Variants in EEIG1 observed in about 807,000 individuals in gnomAD.
EEIG1 encodes the protein early estrogen-induced gene 1 protein.
At chr9:127,967,157 C>T in the EEIG1 span, among the ~76,000 whole-genome samples, 6 of 152,170 alleles carry the variant, frequency 3.9e-5, no homozygotes, top group Non-Finnish European at 5.9e-5. Flanking sequence ...CCAAATCCGT[C>T]AAGACCTGCT....
At chr9:127,945,366 C>T in the EEIG1 span, 1 of 1,581,700 alleles carries the variant, frequency 6.3e-7, no homozygotes, top group Non-Finnish European at 8.6e-7. This position sits in a 1 kb window ranked among gnomAD's most constrained non-coding sequence, Gnocchi z 6.5. Context: ...GTAGGCCTCA[C>T]CTGAAAGAGC....
the EEIG1 span, chr9:127,945,024 T>C: frequency 8.6e-7 from 1 of 1,156,394 alleles, no homozygotes; most frequent in Non-Finnish European, 1.2e-6. The surrounding 1 kb of genome is among the most constrained non-coding windows in gnomAD (Gnocchi z 6.5). Flanking sequence ...CTCCGTGCTG[T>C]ACTTCACTGA....
the EEIG1 span, among the ~76,000 whole-genome samples, chr9:127,977,789 A>G: frequency 2.6e-5 from 4 of 152,170 alleles, no homozygotes; most frequent in Non-Finnish European, 5.9e-5. Context: ...TTCCTCTCAG[A>G]GCCTGTTTCC....
chr9:127,964,077 G>A, the EEIG1 span, among the ~76,000 whole-genome samples: 2 of 152,160 alleles, frequency 1.3e-5, no homozygotes, highest in African/African-American at 4.8e-5. Context: ...TGGCTCCCAG[G>A]AAGAGCCTCC....
the EEIG1 span, chr9:127,980,381 C>T: frequency 9.2e-6 from 4 of 437,094 alleles, no homozygotes; most frequent in African/African-American, 6.1e-5. Flanking sequence ...GGCCGGGGAC[C>T]TCACCGGCAT....
At chr9:127,975,156 C>G in the EEIG1 span, among the ~76,000 whole-genome samples, 1 of 152,190 alleles carries the variant, frequency 6.6e-6, no homozygotes, top group Non-Finnish European at 1.5e-5. Context: ...AGGAAAGACC[C>G]GGCCAGGCTG....
the EEIG1 span, chr9:127,941,239 C>T: frequency 6.6e-6 from 1 of 152,242 alleles, no homozygotes; most frequent in Non-Finnish European, 1.5e-5. Flanking sequence ...TCTGGGGTTC[C>T]TGGTCTGGAG....
At chr9:127,968,650 C>T in the EEIG1 span, among the ~76,000 whole-genome samples, 38 of 152,214 alleles carry the variant, frequency 2.5e-4, no homozygotes, top group Non-Finnish European at 4.3e-4. Context: ...CCATTGCTGG[C>T]TCTGCCACCC....
At chr9:127,942,998 TG>T in the EEIG1 span, 1 of 622,494 alleles carries the variant, frequency 1.6e-6, no homozygotes, top group Non-Finnish European at 2.9e-6. Flanking sequence ...TGGGCCTTGG[TG>T]GGCCAGGAGG....
chr9:127,961,470 C>A, the EEIG1 span, among the ~76,000 whole-genome samples: 2 of 152,188 alleles, frequency 1.3e-5, no homozygotes, highest in African/African-American at 4.8e-5. Flanking sequence ...GAGCCTTGAT[C>A]CATTCAGAAA....
the EEIG1 span, chr9:127,948,079 A>G: frequency 6.2e-7 from 1 of 1,611,448 alleles, no homozygotes; most frequent in Non-Finnish European, 8.5e-7. Context: ...ACCTGAGCTG[A>G]GAATAGTGGG....
the EEIG1 span, chr9:127,948,338 T>C: frequency 6.2e-7 from 1 of 1,613,804 alleles, no homozygotes; most frequent in Non-Finnish European, 8.5e-7. Flanking sequence ...TGGGCTCCCA[T>C]CCGCTCCCTA....
chr9:127,976,958 G>T, the EEIG1 span, among the ~76,000 whole-genome samples: 8 of 151,600 alleles, frequency 5.3e-5, no homozygotes, highest in Admixed American at 1.3e-4. The surrounding 1 kb of genome is among the most constrained non-coding windows in gnomAD (Gnocchi z 4.1). Context: ...GTCTAGAGGG[G>T]CAGACTGTGA....
the EEIG1 span, among the ~76,000 whole-genome samples, chr9:127,946,403 G>T: frequency 6.6e-6 from 1 of 152,220 alleles, no homozygotes; most frequent in Admixed American, 6.5e-5. Flanking sequence ...CCTACCCAGG[G>T]CTCTGAGTAT....
chr9:127,953,778 C>A, the EEIG1 span: 2 of 1,613,830 alleles, frequency 1.2e-6, no homozygotes, highest in African/African-American at 2.7e-5. Flanking sequence ...CCCAGCCCAG[C>A]AGCCCCACAT....
the EEIG1 span, chr9:127,950,579 G>A: frequency 1.2e-6 from 2 of 1,601,724 alleles, no homozygotes; most frequent in South Asian, 1.1e-5. Flanking sequence ...CTGAGGGAGT[G>A]TGGGCTCCTG....
the EEIG1 span, chr9:127,944,464 G>A: frequency 1.5e-6 from 1 of 648,494 alleles, no homozygotes; most frequent in East Asian, 2.7e-5. Flanking sequence ...CCTGACAGAT[G>A]GGGAAAGGGA....
chr9:127,968,253 C>T, the EEIG1 span, among the ~76,000 whole-genome samples: 21 of 152,036 alleles, frequency 1.4e-4, no homozygotes, highest in African/African-American at 4.3e-4. Flanking sequence ...AGAGGAGGAA[C>T]GGATTCCCAT....
the EEIG1 span, chr9:127,950,606 A>G: frequency 6.3e-7 from 1 of 1,582,078 alleles, no homozygotes; most frequent in African/African-American, 1.3e-5. Flanking sequence ...GGAAGCCCAG[A>G]AGGGTAACTT....
Sources: allele counts gnomAD v4.1 joint callset (sites outside exome capture counted in the v4.1 genomes callset), GRCh38; gene constraint gnomAD v4.1.1; non-coding constraint Gnocchi (gnomAD v3.1); transcripts MANE v1.5; gene names NCBI Gene and HGNC (gene_info 2026-07-23, HGNC 2026-07-21).